The following MAPKAPK5 variants were observed in gnomAD, a reference collection of about 807,000 sequenced individuals.
The protein encoded by MAPKAPK5 is MAP kinase-activated protein kinase 5.
In MAPKAPK5, 30 loss-of-function variants were observed where a neutral mutation model predicts 65.1. The ratio of observed to expected loss-of-function variants is 0.46; its 90% CI spans 0.34 to 0.63. The LOEUF is 0.63. Ranked by LOEUF, MAPKAPK5 falls within the 20% of genes least tolerant of loss-of-function variation. The pLI is 0.01. For synonymous variants in MAPKAPK5, 179 were observed against 204.6 expected (o/e 0.87, Z 1.07); for missense variants, 433 against 581.4 (o/e 0.74, Z 2.63).
Position 111,843,346 on chromosome 12 carries a change from G to A in MAPKAPK5, c.36+577G>A, listed in dbSNP as rs149112032. ...TACTTAGGAAAAGTTAACAGTTCCT[G>A]TGACTTAACTGCACTTAAACCAAAA... On this transcript the variant is annotated intron_variant, in intron 1 of 13. Transcript: ENST00000550735. 283 of 398,400 alleles carry A rather than the reference G, an allele frequency of 7.1e-4. 1 individual carries two copies. Among genetic ancestry groups the A allele is most frequent in the African/African-American group, 5.3e-3 (258 of 48,682 alleles). The allele number at this position is 398,400 out of a possible 1,614,324, so 24.7% of individuals were successfully genotyped here.
rs141215840 is a variant in MAPKAPK5, at chr12:111,856,779, G to A, written c.37-8471G>A. Among the ~76,000 whole-genome samples, 400 of 152,262 alleles carry A rather than the reference G, an allele frequency of 2.6e-3. 5 individuals are homozygous for A. The highest frequency in any genetic ancestry group is 9.4e-3 in the African/African-American group (391 of 41,556). On this transcript the variant is annotated intron_variant, in intron 1 of 13. Transcript: ENST00000550735. ...TATATTACAAACCAGAAAATACAGT[G>A]TTGTAGTTATTTGTTTATGCAGTTA...
chr12:111,851,505 T>A (rs532037904), intron 1 of MAPKAPK5, among the ~76,000 whole-genome samples: 1 of 152,040 alleles, frequency 6.6e-6, no homozygotes, highest in East Asian at 1.9e-4. Context: ...TTTGTATTTT[T>A]AGGAGAGATG....
intron 1 of MAPKAPK5, among the ~76,000 whole-genome samples, chr12:111,858,606 C>T (rs1335577004): frequency 2.9e-5 from 4 of 139,984 alleles, no homozygotes; most frequent in Non-Finnish European, 6.0e-5. Flanking sequence ...TGCAGTGGTG[C>T]GATCGCAGCT....
chr12:111,871,021 T>G, intron 6 of MAPKAPK5, 64 bp from the exon 7 acceptor site: 3 of 1,254,256 alleles, frequency 2.4e-6, no homozygotes, highest in Non-Finnish European at 3.4e-6. Flanking sequence ...GTCTTACACC[T>G]GGATTTTCCT....
intron 1 of MAPKAPK5, among the ~76,000 whole-genome samples, chr12:111,859,559 C>T (rs373876907): frequency 1.6e-4 from 24 of 152,182 alleles, no homozygotes; most frequent in Admixed American, 3.3e-4. Flanking sequence ...CCACTGTGCC[C>T]GGTCAATTTT....
In MAPKAPK5 at chr12:111,896,278, G is replaced by A. The variant is rs1456310184; in HGVS notation, c.*3217G>A. ...CTTTGACTCTGAGCATCAGTTGCCCGTGTTTCAGTCACTTCAAGCTGAATT... is the reference window on the plus strand; with the variant it reads ...CTTTGACTCTGAGCATCAGTTGCCCATGTTTCAGTCACTTCAAGCTGAATT... On this transcript the variant is annotated 3_prime_UTR_variant, in exon 14 of 14. Transcript: ENST00000550735. 3.3e-5 allele frequency: 5 copies of A among 152,080 alleles called. No homozygotes were observed. The highest frequency in any genetic ancestry group is 1.3e-4 in the Admixed American group (2 of 15,262). The allele number at this position is 152,080 out of a possible 1,614,324, so 9.4% of individuals were successfully genotyped here.
In MAPKAPK5 at chr12:111,900,453, A is replaced by G. The variant is rs1232579201; in HGVS notation, c.*7392A>G. 16 of 443,684 alleles carry G rather than the reference A, an allele frequency of 3.6e-5. No homozygotes were observed. In the Admixed American group the frequency reaches 3.8e-4, roughly 11 times the overall value. The allele number at this position is 443,684 out of a possible 1,614,324, so 27.5% of individuals were successfully genotyped here. On this transcript the variant is annotated 3_prime_UTR_variant, in exon 14 of 14. Transcript: ENST00000550735. ...TTGCCTCATGCATGAAAATATCACAAAAGAAAGTGGCTTCAGCAGCTGCAG... is the reference window on the plus strand; with the variant it reads ...TTGCCTCATGCATGAAAATATCACAGAAGAAAGTGGCTTCAGCAGCTGCAG...
rs2070791164 is a variant in MAPKAPK5, at chr12:111,895,848, C to CA, written c.*2791dup. 1 of 152,110 alleles carries CA rather than the reference C, an allele frequency of 6.6e-6. No individual in the cohort carries two copies. Among genetic ancestry groups the CA allele is most frequent in the South Asian group, 2.1e-4 (1 of 4,834 alleles). 9.4% of individuals were successfully genotyped at this position (152,110 alleles called of 1,614,324 possible). ...GCGACCTGAATACTTTTCATGATGG[C>CA]AAAATCTCACCGGCAACAGAAGAAA... On this transcript the variant is annotated 3_prime_UTR_variant, in exon 14 of 14. Coordinates refer to ENST00000550735, the MANE Select transcript of MAPKAPK5 (RefSeq NM_003668.4).
chr12:111,849,610 G>T (rs1430580135), intron 1 of MAPKAPK5, among the ~76,000 whole-genome samples: 2 of 152,158 alleles, frequency 1.3e-5, no homozygotes, highest in Non-Finnish European at 2.9e-5. Flanking sequence ...CTATGTGATT[G>T]GCAAATATTT....
At chr12:111,872,947 T>G (rs541905586) in intron 7 of MAPKAPK5, among the ~76,000 whole-genome samples, 2 of 152,362 alleles carry the variant, frequency 1.3e-5, no homozygotes, top group Admixed American at 1.3e-4. Flanking sequence ...GGGGCCATTA[T>G]TCTGCCTTCC....
At position 111,888,896 on chromosome 12, in the gene MAPKAPK5, A is replaced by C. The variant is rs977731207; in HGVS notation, c.1112A>C (p.Lys371Thr). The C allele has an allele frequency of 3.1e-6, 5 of 1,613,710 alleles. No homozygotes were observed. In the African/African-American group the frequency reaches 5.3e-5, roughly 17 times the overall value. ...RKRKLLGTKP[K>T]DSVYIHDHEN... ...TCAAACTCTTAAAGCACCAAGCCAA[A>C]GGACAGTGTCTATATCCACGACCAT... The change falls in exon 12 of 14, where the codon AAG becomes ACG. Residue 371 changes from lysine (K) to threonine (T), a missense_variant. Physicochemically the swap from Lys to Thr is moderately conservative, Grantham distance 78 (BLOSUM62 -1). Around this residue, in one of 3 missense-constraint regions of MAPKAPK5, gnomAD observed 169 missense variants for 215.6 expected, o/e 0.78. Transcript: ENST00000550735.
intron 9 of MAPKAPK5, among the ~76,000 whole-genome samples, chr12:111,884,574 G>T (rs556934923): frequency 6.6e-6 from 1 of 152,228 alleles, no homozygotes; most frequent in South Asian, 2.1e-4. Flanking sequence ...GGATGAGGGA[G>T]AGTTGATATT....
intron 4 of MAPKAPK5, 49 bp from the exon 5 acceptor site, chr12:111,868,698 GTTTCTT>G: frequency 2.2e-6 from 3 of 1,345,824 alleles, no homozygotes; most frequent in Non-Finnish European, 3.0e-6. Flanking sequence ...AGGGTTTTTT[GTTTCTT>G]TTTCTTTTTT....
At chr12:111,868,646 C>G (rs1648803934) in intron 4 of MAPKAPK5, 107 bp from the exon 5 acceptor site, 1 of 823,530 alleles carries the variant, frequency 1.2e-6, no homozygotes, top group Non-Finnish European at 1.9e-6. Context: ...TTGTTACACA[C>G]TTTGTAGATG....
Position 111,893,583 on chromosome 12 carries a change from G to A in MAPKAPK5, c.*522G>A, listed in dbSNP as rs1477654039. 1 of 152,346 alleles carries A rather than the reference G, an allele frequency of 6.6e-6. No homozygotes were observed. The highest frequency in any genetic ancestry group is 1.5e-5 in the Non-Finnish European group (1 of 68,178). 9.4% of individuals were successfully genotyped at this position (152,346 alleles called of 1,614,324 possible). Reference sequence around the variant, plus strand: ...CCAACTTCCATGATGGAAGAAGAGGGAGGTGAGCCCTCATTTCTCCTGCCC... The same window carrying A: ...CCAACTTCCATGATGGAAGAAGAGGAAGGTGAGCCCTCATTTCTCCTGCCC... On this transcript the variant is annotated 3_prime_UTR_variant, in exon 14 of 14. Transcript: ENST00000550735.
chr12:111,868,285 C>G (rs2069674221), intron 4 of MAPKAPK5, among the ~76,000 whole-genome samples: 1 of 152,132 alleles, frequency 6.6e-6, no homozygotes, highest in South Asian at 2.1e-4. Flanking sequence ...GTGCAATAGG[C>G]ACTAAGGACA....
rs2069737826 is a variant in MAPKAPK5, at chr12:111,870,192, C to T, written c.394-79C>T. The T allele has an allele frequency of 1.2e-5, 11 of 897,898 alleles. No individual in the cohort carries two copies. In the South Asian group the frequency reaches 2.1e-4, roughly 17 times the overall value. 55.6% of individuals were successfully genotyped at this position (897,898 alleles called of 1,614,324 possible). On this transcript the variant is annotated intron_variant, in intron 5 of 13. Coordinates refer to ENST00000550735, the MANE Select transcript of MAPKAPK5 (RefSeq NM_003668.4). ...GTCTTAATGAAGGCTTGTTTTTTGA[C>T]ATCCTGAGTTCTCTACGCCAGGTGT...
chr12:111,885,643 ACCT>A, intron 9 of MAPKAPK5: 1 of 375,830 alleles, frequency 2.7e-6, no homozygotes, highest in South Asian at 5.6e-5. Context: ...ATGTAGGATT[ACCT>A]TATTAAACCC....
chr12:111,860,736 TC>T (rs1215792120), intron 1 of MAPKAPK5, among the ~76,000 whole-genome samples: 1 of 152,188 alleles, frequency 6.6e-6, no homozygotes, highest in African/African-American at 2.4e-5. Context: ...AATCTGTACT[TC>T]TCAGTTTGTT....
Sources: allele counts gnomAD v4.1 joint callset (sites outside exome capture counted in the v4.1 genomes callset), GRCh38; gene constraint gnomAD v4.1.1; regional missense constraint gnomAD v4.1.1; transcripts MANE v1.5; gene names NCBI Gene and HGNC (gene_info 2026-07-23, HGNC 2026-07-21).